The following RAP1GDS1 variants were observed in gnomAD, a reference collection of about 807,000 sequenced individuals.
The protein encoded by RAP1GDS1 is RAP1, GTP-GDP dissociation stimulator 1.
Under a neutral mutation model 71.1 loss-of-function variants are expected in RAP1GDS1, and 35 were observed. That is an observed-to-expected ratio of 0.49 (90% CI 0.38 to 0.65). The LOEUF is 0.65. Ranked by LOEUF, RAP1GDS1 falls within the 30% of genes least tolerant of loss-of-function variation. The probability of loss-of-function intolerance (pLI) is 0.00; values close to 1 mark genes in which losing one functional copy is unlikely to be tolerated. For synonymous variants in RAP1GDS1, 229 were observed against 243.1 expected (o/e 0.94, Z 0.54); for missense variants, 663 against 706.1 (o/e 0.94, Z 0.69).
Position 98,420,041 on chromosome 4 carries a change from A to G in RAP1GDS1, c.1197A>G (p.Leu399=). The stretch of plus-strand genomic sequence containing the variant: ...CAGTTATAAATAAAGCAAAGATGTT[A>G]TCAGCTGGGGTCACAGAGGCAGTTT... The part of the protein sequence containing the change: ...AIPVINKAKM[L]SAGVTEAVLK... Residue 399 remains leucine, a synonymous_variant, in exon 11 of 15, where the codon TTA becomes TTG. Transcript: ENST00000408927. The G allele has an allele frequency of 6.2e-7, 1 of 1,602,416 alleles. No individual in the cohort carries two copies. The highest frequency in any genetic ancestry group is 8.5e-7 in the Non-Finnish European group (1 of 1,174,194).
chr4:98,366,404 G>T (rs547925502), intron 4 of RAP1GDS1, among the ~76,000 whole-genome samples: 1 of 152,216 alleles, frequency 6.6e-6, no homozygotes, highest in South Asian at 2.1e-4. Context: ...TTTGTAAATT[G>T]CTCAGTCTTG....
At chr4:98,412,162 CA>C (rs1203563521) in intron 7 of RAP1GDS1, among the ~76,000 whole-genome samples, 1 of 152,090 alleles carries the variant, frequency 6.6e-6, no homozygotes, top group Non-Finnish European at 1.5e-5. Flanking sequence ...GATGCATATA[CA>C]GCTTAGGGAA....
At chr4:98,292,213 A>G (rs1175467499) in intron 1 of RAP1GDS1, among the ~76,000 whole-genome samples, 5 of 151,776 alleles carry the variant, frequency 3.3e-5, no homozygotes, top group East Asian at 3.9e-4. Context: ...TGTAGACTCA[A>G]ACTCCTCAGG....
At chr4:98,300,213 T>C (rs1728374123) in intron 2 of RAP1GDS1, among the ~76,000 whole-genome samples, 1 of 152,088 alleles carries the variant, frequency 6.6e-6, no homozygotes, top group Non-Finnish European at 1.5e-5. Flanking sequence ...GATTAGGTGG[T>C]GGTTAGTCAG....
At position 98,416,393 on chromosome 4, in the gene RAP1GDS1, C is replaced by T. The variant is rs111371830; in HGVS notation, c.764-352C>T. Reference sequence around the variant, plus strand: ...ACAGAGTCTCGCTCTATTGCCCAGGCTGGAGTGCAGTGTTGCAATCTTGGC... The same window carrying T: ...ACAGAGTCTCGCTCTATTGCCCAGGTTGGAGTGCAGTGTTGCAATCTTGGC... On this transcript the variant is annotated intron_variant, in intron 7 of 14. Coordinates refer to ENST00000408927, the MANE Select transcript of RAP1GDS1 (RefSeq NM_001100427.2). 2.0e-3 allele frequency among the ~76,000 whole-genome samples: 225 copies of T among 115,062 alleles called. 6 individuals carry two copies. The East Asian group carries it at 0.052, about 27-fold the overall frequency. The allele number at this position is 115,062 out of a possible 152,430, so 75.5% of individuals were successfully genotyped here. A position where few individuals can be genotyped will look rare whatever the true frequency, so the allele number is the denominator to read the frequency against.
chr4:98,403,237 A>G (rs75592902), intron 6 of RAP1GDS1, among the ~76,000 whole-genome samples: 8,309 of 152,230 alleles, frequency 0.055, 323 homozygotes, highest in Middle Eastern at 0.092. Flanking sequence ...AGACCAGTAT[A>G]TATTAGATTA....
intron 4 of RAP1GDS1, among the ~76,000 whole-genome samples, chr4:98,366,418 A>G (rs1247680952): frequency 2.6e-5 from 4 of 152,144 alleles, no homozygotes; most frequent in Non-Finnish European, 4.4e-5. Context: ...AGTCTTGGGT[A>G]TGTCTTTATC....
chr4:98,365,297 T>A (rs1174165775), intron 4 of RAP1GDS1, among the ~76,000 whole-genome samples: 1 of 151,984 alleles, frequency 6.6e-6, no homozygotes, highest in African/African-American at 2.4e-5. Flanking sequence ...TATTGTTTTC[T>A]TTACACACAA....
At chr4:98,280,394 G>A (rs1303872215) in intron 1 of RAP1GDS1, among the ~76,000 whole-genome samples, 1 of 152,162 alleles carries the variant, frequency 6.6e-6, no homozygotes, top group African/African-American at 2.4e-5. Flanking sequence ...TCTGTTGGCT[G>A]CATAAATGTC....
chr4:98,393,673 G>C (rs572714322), intron 6 of RAP1GDS1, among the ~76,000 whole-genome samples: 1 of 152,274 alleles, frequency 6.6e-6, no homozygotes, highest in African/African-American at 2.4e-5. Context: ...GAACAGCACT[G>C]TCCAATACAG....
chr4:98,331,156 C>T lies in RAP1GDS1; in HGVS notation c.113-11983C>T, dbSNP rs539244191. Reference sequence around the variant, plus strand: ...CCAAAAAATACAAAAACCAGTCAGGCGTGGCGGCATGTGCCTGCAATCCCA... The same window carrying T: ...CCAAAAAATACAAAAACCAGTCAGGTGTGGCGGCATGTGCCTGCAATCCCA... On this transcript the variant is annotated intron_variant, in intron 2 of 14. Transcript: ENST00000408927. 3.9e-4 allele frequency among the ~76,000 whole-genome samples: 59 copies of T among 152,274 alleles called. No individual in the cohort carries two copies. The South Asian group carries it at 8.1e-3, about 21-fold the overall frequency.
intron 3 of RAP1GDS1, among the ~76,000 whole-genome samples, chr4:98,347,937 CATA>C (rs1367573277): frequency 3.9e-5 from 6 of 152,094 alleles, no homozygotes; most frequent in Non-Finnish European, 8.8e-5. Context: ...GCCTCTCCAA[CATA>C]ATATGTATAA....
chr4:98,317,892 A>T (rs1578413942), intron 2 of RAP1GDS1, among the ~76,000 whole-genome samples: 2 of 144,412 alleles, frequency 1.4e-5, no homozygotes, highest in South Asian at 4.3e-4. Context: ...CCCAGGCCGG[A>T]GTGCAGTGGT....
chr4:98,266,834 A>G (rs143578337), intron 1 of RAP1GDS1, among the ~76,000 whole-genome samples: 3 of 152,332 alleles, frequency 2.0e-5, no homozygotes, highest in African/African-American at 7.2e-5. Context: ...TTGCTTTCAT[A>G]GTGGAATCTT....
intron 2 of RAP1GDS1, among the ~76,000 whole-genome samples, chr4:98,329,788 CAAAAAAAAA>C (rs34140500): frequency 6.9e-5 from 3 of 43,426 alleles, no homozygotes; most frequent in African/African-American, 1.5e-4. Flanking sequence ...GACTCCATCT[CAAAAAAAAA>C]AAAAAAAAAA....
chr4:98,331,105 G>A (rs953350750), intron 2 of RAP1GDS1, among the ~76,000 whole-genome samples: 4 of 152,178 alleles, frequency 2.6e-5, no homozygotes, highest in South Asian at 2.1e-4. Context: ...GACCAGCCCC[G>A]CCAACAGGGC....
Position 98,286,129 on chromosome 4 carries a change from G to T in RAP1GDS1, c.5-7279G>T, listed in dbSNP as rs79292293. Among the ~76,000 whole-genome samples the T allele has an allele frequency of 3.8e-3, 575 of 151,886 alleles. 6 individuals are homozygous for T. Among genetic ancestry groups the T allele is most frequent in the African/African-American group, 0.013 (549 of 41,450 alleles). ...AAAAAAATAAAATTAGCTGGGCGTT[G>T]TAGTCAGCACCTGTGGCCCCATATA... is the stretch of plus-strand genomic sequence containing the variant. On this transcript the variant is annotated intron_variant, in intron 1 of 14. Transcript: ENST00000408927.
At chr4:98,289,451 TGTG>T (rs1168789558) in intron 1 of RAP1GDS1, among the ~76,000 whole-genome samples, 2 of 150,500 alleles carry the variant, frequency 1.3e-5, no homozygotes, top group Non-Finnish European at 2.9e-5. Flanking sequence ...AAGCCAATAA[TGTG>T]GTGGGACTGA....
intron 5 of RAP1GDS1, chr4:98,387,516 T>C (rs1200719175): frequency 2.2e-6 from 1 of 455,540 alleles, no homozygotes; most frequent in Non-Finnish European, 4.4e-6. Context: ...AGGTAAGTGT[T>C]CACACCAGCG....
Sources: gnomAD v4.1 joint callset for allele counts (sites outside exome capture counted in the v4.1 genomes callset) on GRCh38, gnomAD v4.1.1 for gene constraint, MANE v1.5 for transcripts, NCBI Gene and HGNC (gene_info 2026-07-23, HGNC 2026-07-21) for gene names.